The following MDGA2 variants were observed in gnomAD, a reference collection of about 807,000 sequenced individuals.
The protein encoded by MDGA2 is MAM domain containing glycosylphosphatidylinositol anchor 2.
In MDGA2, 40 loss-of-function variants were observed where a neutral mutation model predicts 117.8. The ratio of observed to expected loss-of-function variants is 0.34; its 90% CI spans 0.26 to 0.44. The LOEUF is 0.44. Ranked by LOEUF, MDGA2 falls within the 20% of genes least tolerant of loss-of-function variation. The pLI is 1.00. For missense variants in MDGA2, 1,123 were observed against 1,250.6 expected (o/e 0.90, Z 1.54); for synonymous variants, 452 against 439.0 (o/e 1.03, Z -0.37).
At chr14:47,444,900 T>C (rs1416610619) in intron 1 of MDGA2, among the ~76,000 whole-genome samples, 1 of 152,132 alleles carries the variant, frequency 6.6e-6, no homozygotes, top group Non-Finnish European at 1.5e-5. Context: ...TCATATACCA[T>C]AACCTAATTG....
chr14:47,311,125 A>G (rs569804717), intron 1 of MDGA2, among the ~76,000 whole-genome samples: 2 of 152,250 alleles, frequency 1.3e-5, no homozygotes, highest in African/African-American at 4.8e-5. Context: ...TAATCTCTGT[A>G]GACTGAAATG....
At chr14:47,114,151 T>G (rs1391870447) in intron 5 of MDGA2, among the ~76,000 whole-genome samples, 1 of 152,028 alleles carries the variant, frequency 6.6e-6, no homozygotes, top group Admixed American at 6.6e-5. Context: ...TGAACTCCCA[T>G]TCACAACTGC....
At chr14:47,331,286 C>A (rs1320932439) in intron 1 of MDGA2, among the ~76,000 whole-genome samples, 1 of 151,798 alleles carries the variant, frequency 6.6e-6, no homozygotes, top group African/African-American at 2.4e-5. Context: ...TGACATAATT[C>A]TTCAATCAAA....
chr14:47,427,572 C>CT (rs1448104108), intron 1 of MDGA2, among the ~76,000 whole-genome samples: 4 of 152,130 alleles, frequency 2.6e-5, no homozygotes, highest in Non-Finnish European at 5.9e-5. Context: ...GCCCTACTAT[C>CT]TTTTTGCAAC....
At chr14:47,303,069 T>C (rs933892658) in intron 1 of MDGA2, among the ~76,000 whole-genome samples, 1 of 152,096 alleles carries the variant, frequency 6.6e-6, no homozygotes, top group African/African-American at 2.4e-5. Context: ...TGACATTAAA[T>C]ACGCATAATA....
intron 6 of MDGA2, among the ~76,000 whole-genome samples, 158 bp from the exon 7 acceptor site, chr14:47,061,736 C>A (rs1322091108): frequency 1.3e-5 from 2 of 151,714 alleles, no homozygotes; most frequent in Non-Finnish European, 2.9e-5. Flanking sequence ...ATCAAAAAAC[C>A]TCATGCAGGT....
chr14:47,587,727 T>G (rs1032729684), intron 1 of MDGA2, among the ~76,000 whole-genome samples: 17 of 151,972 alleles, frequency 1.1e-4, no homozygotes, highest in Non-Finnish European at 1.0e-4. Flanking sequence ...AGATACAATC[T>G]GCAAGCCATA....
chr14:47,623,447 TA>T (rs1897085678), intron 1 of MDGA2, among the ~76,000 whole-genome samples: 2 of 152,204 alleles, frequency 1.3e-5, no homozygotes, highest in African/African-American at 4.8e-5. Flanking sequence ...TAGATTTTTT[TA>T]AAAAATTAGG....
At chr14:47,248,338 C>A (rs1026018610) in intron 2 of MDGA2, among the ~76,000 whole-genome samples, 3 of 151,374 alleles carry the variant, frequency 2.0e-5, no homozygotes, top group Non-Finnish European at 4.4e-5. Flanking sequence ...ACATAAAAAG[C>A]ATGCCTCTTT....
intron 5 of MDGA2, among the ~76,000 whole-genome samples, chr14:47,117,256 A>G (rs528507753): frequency 5.3e-5 from 8 of 152,278 alleles, no homozygotes; most frequent in South Asian, 2.1e-4. Flanking sequence ...AAGAAAGACG[A>G]TAAGTGTCAG....
At chr14:47,023,728 CTTTTAA>C (rs959527316) in intron 8 of MDGA2, among the ~76,000 whole-genome samples, 3 of 152,112 alleles carry the variant, frequency 2.0e-5, no homozygotes, top group Non-Finnish European at 4.4e-5. Flanking sequence ...AATTACTATA[CTTTTAA>C]TTTTAGTCAC....
intron 1 of MDGA2, among the ~76,000 whole-genome samples, chr14:47,599,682 G>T (rs1896611409): frequency 6.6e-6 from 1 of 152,086 alleles, no homozygotes; most frequent in African/African-American, 2.4e-5. Context: ...AAATAAGTGT[G>T]TCCCCATCTC....
intron 8 of MDGA2, among the ~76,000 whole-genome samples, chr14:46,985,611 T>C (rs954025446): frequency 1.3e-5 from 2 of 152,026 alleles, no homozygotes; most frequent in Non-Finnish European, 2.9e-5. Context: ...AAAAATCTGC[T>C]CTCAAAATTA....
chr14:47,076,245 T>C (rs922022965), intron 6 of MDGA2, among the ~76,000 whole-genome samples: 8 of 151,982 alleles, frequency 5.3e-5, no homozygotes, highest in African/African-American at 1.9e-4. Flanking sequence ...CCAAAAAACA[T>C]GCAGAGGAAA....
chr14:47,108,580 C>A (rs908124389), intron 5 of MDGA2, among the ~76,000 whole-genome samples: 4 of 152,192 alleles, frequency 2.6e-5, no homozygotes, highest in African/African-American at 9.6e-5. Context: ...CTCCTACCCG[C>A]CAGAGAACAA....
chr14:47,285,478 G>A (rs961938228), intron 2 of MDGA2, among the ~76,000 whole-genome samples: 2 of 152,058 alleles, frequency 1.3e-5, no homozygotes, highest in Non-Finnish European at 2.9e-5. Flanking sequence ...TTGTGAATAT[G>A]TTCCAATGAC....
chr14:47,343,249 G>A (rs193230015), intron 1 of MDGA2: 90 of 1,145,070 alleles, frequency 7.9e-5, no homozygotes, highest in Non-Finnish European at 1.8e-5. Context: ...AACGATTATC[G>A]AATTCCGGGC....
chr14:47,621,456 C>A (rs1332523275), intron 1 of MDGA2, among the ~76,000 whole-genome samples: 1 of 152,084 alleles, frequency 6.6e-6, no homozygotes, highest in Non-Finnish European at 1.5e-5. Context: ...TCCTGAGTAG[C>A]TAGGACTACA....
At chr14:47,284,608 G>A (rs141110510) in intron 2 of MDGA2, among the ~76,000 whole-genome samples, 2,152 of 152,194 alleles carry the variant, frequency 0.014, 41 homozygotes, top group South Asian at 0.072. Context: ...AATGAGAAAT[G>A]TCCCCAACCT....
Sources: gnomAD v4.1 joint callset for allele counts (sites outside exome capture counted in the v4.1 genomes callset) on GRCh38, gnomAD v4.1.1 for gene constraint, MANE v1.5 for transcripts, NCBI Gene and HGNC (gene_info 2026-07-23, HGNC 2026-07-21) for gene names.